The following ALG13 variants were observed in gnomAD, a reference collection of about 807,000 sequenced individuals.
The protein encoded by ALG13 is ALG13 UDP-N-acetylglucosaminyltransferase subunit, also known as UDP-N-acetylglucosamine transferase subunit ALG13.
In ALG13, 11 loss-of-function variants were observed where a neutral mutation model predicts 87.8. That is an observed-to-expected ratio of 0.13 (90% CI 0.08 to 0.21). ALG13 has a LOEUF of 0.21. Among genes scored for constraint, ALG13 ranks in the 10% least tolerant of loss-of-function variants. ALG13 has a pLI of 1.00. For missense variants in ALG13, 756 were observed against 866.1 expected (o/e 0.87, Z 1.60); for synonymous variants, 320 against 306.3 (o/e 1.04, Z -0.47).
chrX:111,696,087 A>G (rs1026523427), intron 3 of ALG13, among the ~76,000 whole-genome samples: 2 of 111,231 alleles, frequency 1.8e-5, no homozygotes, highest in Admixed American at 9.6e-5. Context: ...ACAAGTTGTT[A>G]TATGTTAATA....
At chrX:111,692,191 G>C (rs1936265364) in intron 3 of ALG13, among the ~76,000 whole-genome samples, 1 of 111,653 alleles carries the variant, frequency 9.0e-6, no homozygotes, top group African/African-American at 3.3e-5. Flanking sequence ...CTTTAACTCT[G>C]TCTCCAACCC....
intron 24 of ALG13, among the ~76,000 whole-genome samples, chrX:111,750,254 A>G (rs770925671): frequency 3.0e-4 from 33 of 111,407 alleles, no homozygotes; most frequent in Non-Finnish European, 5.5e-4. Flanking sequence ...GGCCTTAGCA[A>G]TCGCTCCTCT....
chrX:111,684,104 A>G (rs1446337105), intron 2 of ALG13, among the ~76,000 whole-genome samples: 1 of 111,884 alleles, frequency 8.9e-6, no homozygotes, highest in African/African-American at 3.3e-5. Flanking sequence ...TCGAGTACCC[A>G]TATAACCATT....
intron 3 of ALG13, among the ~76,000 whole-genome samples, chrX:111,698,558 T>C (rs762181715): frequency 1.9e-4 from 21 of 111,581 alleles, no homozygotes; most frequent in Admixed American, 1.3e-3. Context: ...TCATTCTAAC[T>C]CTCTACTTCT....
At chrX:111,740,903 A>G (rs767872022) in intron 23 of ALG13, among the ~76,000 whole-genome samples, 17 of 112,559 alleles carry the variant, frequency 1.5e-4, no homozygotes, top group Non-Finnish European at 3.0e-4. Context: ...TATATGAACT[A>G]TACTACTGAA....
chrX:111,705,611 T>A (rs1299737770), intron 3 of ALG13, among the ~76,000 whole-genome samples: 1 of 112,091 alleles, frequency 8.9e-6, no homozygotes, highest in African/African-American at 3.2e-5. Context: ...TATACCACTT[T>A]GAGTTAATTA....
chrX:111,720,047 A>C (rs767321588), intron 10 of ALG13, 48 bp from the exon 11 acceptor site: 1 of 950,859 alleles, frequency 1.1e-6, no homozygotes, highest in Admixed American at 3.1e-5. Context: ...TAACATAAGT[A>C]AATTCTTCAT....
chrX:111,750,067 A>G (rs898034956), intron 24 of ALG13, among the ~76,000 whole-genome samples: 1 of 111,868 alleles, frequency 8.9e-6, no homozygotes. Flanking sequence ...TCTAGTCTCT[A>G]TTCCAACCTT....
In ALG13 at chrX:111,730,511, G is replaced by T. The variant is rs753174674; in HGVS notation, c.2402-14G>T. 13 of 1,193,370 alleles carry T rather than the reference G, an allele frequency of 1.1e-5. No homozygotes were observed. The highest frequency in any genetic ancestry group is 1.2e-5 in the Non-Finnish European group (11 of 885,705). ...AAAATAATGCTCATTTTTTACTTTG[G>T]CTATATTCTCTAGAGCCAGACTATG... On this transcript the variant is annotated splice_polypyrimidine_tract_variant and intron_variant, in intron 20 of 26. Transcript: ENST00000394780.
chrX:111,745,549 A>C (rs1209507943), intron 24 of ALG13, among the ~76,000 whole-genome samples: 1 of 108,674 alleles, frequency 9.2e-6, no homozygotes, highest in Non-Finnish European at 1.9e-5. Context: ...TTTTTTTTCC[A>C]ACCCCTAATC....
intron 7 of ALG13, 108 bp from the exon 8 acceptor site, chrX:111,713,117 T>G: frequency 2.0e-6 from 1 of 488,045 alleles, no homozygotes; most frequent in African/African-American, 2.4e-5. Flanking sequence ...TTATATTACT[T>G]TATATGAATA....
chrX:111,686,409 ATATT>A (rs1447674224), intron 3 of ALG13, among the ~76,000 whole-genome samples: 1 of 112,187 alleles, frequency 8.9e-6, no homozygotes, highest in Non-Finnish European at 1.9e-5. Context: ...CATTCATTAA[ATATT>A]TATTGAGTAC....
chrX:111,754,455 G>GAA (rs1945050122), intron 25 of ALG13, among the ~76,000 whole-genome samples: 1 of 111,609 alleles, frequency 9.0e-6, no homozygotes, highest in African/African-American at 3.3e-5. Context: ...AAGAAAGAAA[G>GAA]GGTATACGAA....
At chrX:111,727,231 A>C (rs903563865) in intron 16 of ALG13, 101 bp from the exon 17 acceptor site, 1 of 891,877 alleles carries the variant, frequency 1.1e-6, no homozygotes, top group African/African-American at 2.0e-5. Flanking sequence ...TTTCTAGTTG[A>C]ATGTTTTTAG....
At chrX:111,759,677 G>T in intron 26 of ALG13, 57 bp from the exon 27 acceptor site, 1 of 1,019,895 alleles carries the variant, frequency 9.8e-7, no homozygotes, top group Non-Finnish European at 1.3e-6. Context: ...GTTGCATGGG[G>T]TTCTGTTTTG....
intron 3 of ALG13, among the ~76,000 whole-genome samples, chrX:111,698,573 G>A (rs1306337103): frequency 9.0e-6 from 1 of 111,260 alleles, no homozygotes; most frequent in Non-Finnish European, 1.9e-5. Context: ...ACTTCTATGA[G>A]TTCAACTTAT....
At chrX:111,690,611 TA>T (rs1200161796) in intron 3 of ALG13, among the ~76,000 whole-genome samples, 1 of 110,840 alleles carries the variant, frequency 9.0e-6, no homozygotes, top group Non-Finnish European at 1.9e-5. Context: ...TTTTTAATTT[TA>T]ATTTTTTTTT....
chrX:111,757,682 C>T lies in ALG13; in HGVS notation c.3068C>T (p.Pro1023Leu). Residue 1023 changes from proline (P) to leucine (L), a missense_variant, in exon 26 of 27, where the codon CCT (proline) becomes CTT (leucine). Coordinates refer to ENST00000394780, the MANE Select transcript of ALG13 (RefSeq NM_001099922.3). ...VENYPVYTEP[P>L]LVDQTVPQCY... is the part of the protein sequence containing the mutation. ...AATTATCCAGTCTATACTGAGCCACCTCTGGTAGATCAAACCGTTCCTCAA... is the reference window on the plus strand; with the variant it reads ...AATTATCCAGTCTATACTGAGCCACTTCTGGTAGATCAAACCGTTCCTCAA... 8.3e-7 allele frequency: 1 copy of T among 1,209,838 alleles called. No homozygotes were observed. Among genetic ancestry groups the T allele is most frequent in the Non-Finnish European group, 1.1e-6 (1 of 894,242 alleles).
At chrX:111,686,227 A>AG (rs1399569573) in intron 3 of ALG13, 3 of 807,649 alleles carry the variant, frequency 3.7e-6, no homozygotes, top group Non-Finnish European at 4.9e-6. Context: ...TTGATGTTGC[A>AG]AGAAGTAAAT....
Sources: gnomAD v4.1 joint callset for allele counts (sites outside exome capture counted in the v4.1 genomes callset) on GRCh38, gnomAD v4.1.1 for gene constraint, MANE v1.5 for transcripts, NCBI Gene and HGNC (gene_info 2026-07-23, HGNC 2026-07-21) for gene names.